Variants in FUT8 observed in about 807,000 individuals in gnomAD.
FUT8 encodes the protein alpha-(1,6)-fucosyltransferase.
FUT8 carries 29 observed loss-of-function variants against 71.3 expected under a neutral mutation model. The observed-to-expected ratio is 0.41, with a 90% CI of 0.30 to 0.55. FUT8 has a LOEUF of 0.55. Ranked by LOEUF, FUT8 falls within the 20% of genes least tolerant of loss-of-function variation. The probability of loss-of-function intolerance (pLI) is 0.34; values close to 1 mark genes in which losing one functional copy is unlikely to be tolerated. For missense variants in FUT8, 544 were observed against 702.1 expected (o/e 0.77, Z 2.55); for synonymous variants, 254 against 239.3 (o/e 1.06, Z -0.57).
chr14:65,627,321 A>G lies in FUT8; in HGVS notation c.483-2171A>G, dbSNP rs1240861807. 6.6e-6 allele frequency among the ~76,000 whole-genome samples: 1 copy of G among 152,144 alleles called. No individual in the cohort carries two copies. Among genetic ancestry groups the G allele is most frequent in the East Asian group, 1.9e-4 (1 of 5,196 alleles). ...AGCAGCTCGATTCTTGCTTCCTTGGAGGAAATAATTTGGCCAGGGGAACAT... is the reference window on the plus strand; with the variant it reads ...AGCAGCTCGATTCTTGCTTCCTTGGGGGAAATAATTTGGCCAGGGGAACAT... On this transcript the variant is annotated intron_variant, in intron 5 of 10. Coordinates refer to ENST00000673929, the MANE Select transcript of FUT8 (RefSeq NM_001371533.1). The surrounding 1 kb of genome is among the most constrained non-coding windows in gnomAD (Gnocchi z 4.0).
intron 3 of FUT8, among the ~76,000 whole-genome samples, chr14:65,597,404 G>A (rs928022132): frequency 9.2e-5 from 14 of 152,136 alleles, no homozygotes; most frequent in South Asian, 2.1e-4. Flanking sequence ...CGAGGCGGGT[G>A]GATCACGAGG....
chr14:65,505,540 A>G (rs1322232215), intron 2 of FUT8, among the ~76,000 whole-genome samples: 1 of 151,462 alleles, frequency 6.6e-6, no homozygotes, highest in South Asian at 2.1e-4. Context: ...TCTCGATCTC[A>G]TGACCTCATG....
At chr14:65,626,953 C>G (rs948253308) in intron 5 of FUT8, among the ~76,000 whole-genome samples, 3 of 152,134 alleles carry the variant, frequency 2.0e-5, no homozygotes, top group Non-Finnish European at 4.4e-5. Flanking sequence ...TTCCCCAAAC[C>G]TGTCTACCAT....
intron 2 of FUT8, among the ~76,000 whole-genome samples, chr14:65,509,047 A>G (rs940693630): frequency 6.6e-6 from 1 of 152,076 alleles, no homozygotes; most frequent in Non-Finnish European, 1.5e-5. Flanking sequence ...TAGTCATTTC[A>G]TAGTTTGAGG....
Position 65,498,357 on chromosome 14 carries a change from G to A in FUT8, c.-228+42639G>A, listed in dbSNP as rs74056799. On this transcript the variant is annotated intron_variant, in intron 2 of 10. Coordinates refer to ENST00000673929, the MANE Select transcript of FUT8 (RefSeq NM_001371533.1). ...GTGAGTCTTTGCATTGGTATCTTTAGCCCACAAATCTTTTTGGCTCCAGTA... is the reference window on the plus strand; with the variant it reads ...GTGAGTCTTTGCATTGGTATCTTTAACCCACAAATCTTTTTGGCTCCAGTA... 6.4e-3 allele frequency among the ~76,000 whole-genome samples: 971 copies of A among 152,200 alleles called. 14 individuals carry two copies. The highest frequency in any genetic ancestry group is 0.02 in the African/African-American group (832 of 41,530).
At chr14:65,456,161 A>T (rs2065891153) in intron 2 of FUT8, among the ~76,000 whole-genome samples, 1 of 152,160 alleles carries the variant, frequency 6.6e-6, no homozygotes. Context: ...TCATTCTATT[A>T]ATTTTGACAA....
At chr14:65,547,231 C>T (rs570174888) in intron 2 of FUT8, among the ~76,000 whole-genome samples, 3 of 150,962 alleles carry the variant, frequency 2.0e-5, no homozygotes, top group East Asian at 3.9e-4. Context: ...TGTTGTTTAT[C>T]GGTTTTATAT....
intron 7 of FUT8, among the ~76,000 whole-genome samples, chr14:65,671,928 A>G (rs1312935783): frequency 2.0e-5 from 3 of 152,204 alleles, no homozygotes; most frequent in African/African-American, 7.2e-5. Context: ...AGTTGTACAA[A>G]AAATCTTGGG....
At chr14:65,572,836 A>G (rs1886556481) in intron 3 of FUT8, among the ~76,000 whole-genome samples, 1 of 152,164 alleles carries the variant, frequency 6.6e-6, no homozygotes, top group Admixed American at 6.5e-5. Context: ...AGATAAATTC[A>G]CTATTATAGC....
chr14:65,559,482 C>T (rs1222451294), intron 2 of FUT8, among the ~76,000 whole-genome samples: 1 of 152,108 alleles, frequency 6.6e-6, no homozygotes, highest in Non-Finnish European at 1.5e-5. Context: ...GAAACCCGAA[C>T]ATCTGTGGAT....
intron 7 of FUT8, among the ~76,000 whole-genome samples, chr14:65,691,755 G>A (rs549724590): frequency 2.0e-5 from 3 of 151,818 alleles, no homozygotes; most frequent in East Asian, 3.9e-4. Flanking sequence ...GCGGCCTTCT[G>A]CAGTGTTTGT....
intron 7 of FUT8, among the ~76,000 whole-genome samples, chr14:65,689,110 T>C (rs983708074): frequency 1.3e-5 from 2 of 152,252 alleles, no homozygotes; most frequent in African/African-American, 4.8e-5. Flanking sequence ...ATTATACCAT[T>C]TGGCATTTGC....
chr14:65,703,725 A>G (rs1016465206), intron 7 of FUT8, among the ~76,000 whole-genome samples: 2 of 152,224 alleles, frequency 1.3e-5, no homozygotes, highest in African/African-American at 2.4e-5. Context: ...GTGTGATGGT[A>G]GGGTGACCGT....
At chr14:65,561,841 AG>A in intron 3 of FUT8, 75 bp downstream of exon 3, 1 of 1,163,436 alleles carries the variant, frequency 8.6e-7, no homozygotes, top group Non-Finnish European at 1.2e-6. Flanking sequence ...TCATTCCGCT[AG>A]GAAAAATAGT....
intron 7 of FUT8, among the ~76,000 whole-genome samples, chr14:65,670,893 A>AT (rs978020635): frequency 6.6e-6 from 1 of 152,034 alleles, no homozygotes; most frequent in African/African-American, 2.4e-5. Context: ...ATATCACCCG[A>AT]TTTTTTATTT....
At chr14:65,506,514 A>C (rs1174886933) in intron 2 of FUT8, among the ~76,000 whole-genome samples, 1 of 152,210 alleles carries the variant, frequency 6.6e-6, no homozygotes, top group Non-Finnish European at 1.5e-5. Flanking sequence ...AGAACTATAA[A>C]ACTTAAATTT....
At chr14:65,553,346 A>T (rs933181467) in intron 2 of FUT8, among the ~76,000 whole-genome samples, 1 of 152,136 alleles carries the variant, frequency 6.6e-6, no homozygotes, top group Non-Finnish European at 1.5e-5. Flanking sequence ...CCTCCGTCTC[A>T]TCTTTTAAAT....
intron 2 of FUT8, among the ~76,000 whole-genome samples, chr14:65,531,347 A>C (rs1883943879): frequency 6.6e-6 from 1 of 152,002 alleles, no homozygotes; most frequent in African/African-American, 2.4e-5. Context: ...TGATTATTAT[A>C]TGTCTATGCT....
chr14:65,458,151 C>T (rs1594651772), intron 2 of FUT8: 1 of 144,868 alleles, frequency 6.9e-6, no homozygotes, highest in East Asian at 2.0e-4. Flanking sequence ...CACTGCACTC[C>T]AGCCTGGGCG....
Sources: allele counts gnomAD v4.1 joint callset (sites outside exome capture counted in the v4.1 genomes callset), GRCh38; gene constraint gnomAD v4.1.1; non-coding constraint Gnocchi (gnomAD v3.1); transcripts MANE v1.5; gene names NCBI Gene and HGNC (gene_info 2026-07-23, HGNC 2026-07-21).